The following RILPL1 variants were observed in gnomAD, a reference collection of about 807,000 sequenced individuals.
The protein encoded by RILPL1 is Rab interacting lysosomal protein like 1.
RILPL1 carries 33 observed loss-of-function variants against 50.3 expected under a neutral mutation model. The observed-to-expected ratio is 0.66, with a 90% confidence interval of 0.50 to 0.88. RILPL1 has a LOEUF of 0.88. Ranked by LOEUF, RILPL1 falls within the 40% of genes least tolerant of loss-of-function variation. The probability of loss-of-function intolerance (pLI) is 0.00; values close to 1 mark genes in which losing one functional copy is unlikely to be tolerated. For missense variants in RILPL1, 418 were observed against 542.5 expected (o/e 0.77, Z 2.28); for synonymous variants, 205 against 228.6 (o/e 0.90, Z 0.93).
intron 1 of RILPL1, among the ~76,000 whole-genome samples, chr12:123,523,929 T>G (rs530980607): frequency 6.6e-6 from 1 of 152,358 alleles, no homozygotes; most frequent in East Asian, 1.9e-4. Flanking sequence ...TGGAGCTCTC[T>G]TCAGAGTAGA....
At chr12:123,523,747 C>T (rs1034142075) in intron 1 of RILPL1, 102 bp from the exon 2 acceptor site, 76 of 1,360,974 alleles carry the variant, frequency 5.6e-5, no homozygotes, top group Non-Finnish European at 6.8e-5. Flanking sequence ...GACTTTGGGC[C>T]ATCCCCTTCC....
At chr12:123,503,881 A>G (rs1032575792) in intron 2 of RILPL1, among the ~76,000 whole-genome samples, 12 of 151,806 alleles carry the variant, frequency 7.9e-5, no homozygotes, top group Non-Finnish European at 1.3e-4. Context: ...CACGCCTGTA[A>G]TCCCAGCTAC....
intron 4 of RILPL1, among the ~76,000 whole-genome samples, chr12:123,495,767 G>T (rs903817827): frequency 1.5e-5 from 2 of 133,814 alleles, no homozygotes; most frequent in Admixed American, 1.7e-4. Flanking sequence ...GGCAACCTCC[G>T]CCTCCTGGGT....
chr12:123,518,390 C>T, intron 2 of RILPL1: 1 of 402,418 alleles, frequency 2.5e-6, no homozygotes, highest in Non-Finnish European at 5.0e-6. Flanking sequence ...ACCTGTCATC[C>T]CAGCTACTTA....
At chr12:123,492,133 T>A (rs937945970) in intron 4 of RILPL1, among the ~76,000 whole-genome samples, 1 of 151,458 alleles carries the variant, frequency 6.6e-6, no homozygotes, top group African/African-American at 2.4e-5. Context: ...AATTAGCCTA[T>A]CATGGTGGCT....
rs550750125 is a variant in RILPL1 at position 123,472,383 on chromosome 12, A to G, written c.*155T>C. ...TTTAGAGTTTGGCGTCAGTTTTTCA[A>G]TGTCCATCCTCAAATCAGACAGTCT... On this transcript the variant is annotated 3_prime_UTR_variant, in exon 7 of 7. Transcript: ENST00000376874. 2.7e-6 allele frequency: 2 copies of G among 740,826 alleles called. No individual in the cohort carries two copies. The highest frequency in any genetic ancestry group is 4.1e-5 in the South Asian group (2 of 48,434). 45.9% of individuals were successfully genotyped at this position (740,826 alleles called of 1,614,324 possible). A position where few individuals can be genotyped will look rare whatever the true frequency, so the allele number is the denominator to read the frequency against.
intron 4 of RILPL1, among the ~76,000 whole-genome samples, chr12:123,487,295 A>G (rs1414012668): frequency 6.7e-6 from 1 of 148,664 alleles, no homozygotes; most frequent in African/African-American, 2.5e-5. Context: ...TGCAGCACAC[A>G]CCAGCACTTC....
In RILPL1 at chr12:123,491,144, G is replaced by A. The variant is rs930937631; in HGVS notation, c.802-5339C>T. Among the ~76,000 whole-genome samples the A allele has an allele frequency of 1.3e-5, 2 of 152,328 alleles. No individual in the cohort carries two copies. The highest frequency in any genetic ancestry group is 2.1e-4 in the South Asian group (1 of 4,826). On this transcript the variant is annotated intron_variant, in intron 4 of 6. Transcript: ENST00000376874. The surrounding 1 kb of genome is among the most constrained non-coding windows in gnomAD (Gnocchi z 4.0). ...CACCAGGCAGTGACCGCAGGGCCAC[G>A]GGCAGCCCAGGACTATCCGGTTCAG...
Position 123,485,507 on chromosome 12 carries a change from G to A in RILPL1, c.974+126C>T. ...TTGTATGTAAGTTCTTTAGGCCAGA[G>A]AGGGTACCCAAAAAAAACACTGATG... is the stretch of plus-strand genomic sequence containing the variant. On this transcript the variant is annotated intron_variant, in intron 5 of 6. Coordinates refer to ENST00000376874, the MANE Select transcript of RILPL1 (RefSeq NM_178314.5). The surrounding 1 kb of genome is among the most constrained non-coding windows in gnomAD (Gnocchi z 4.0). The A allele has an allele frequency of 2.3e-6, 2 of 881,722 alleles. No homozygotes were observed. Among genetic ancestry groups the A allele is most frequent in the Non-Finnish European group, 3.5e-6 (2 of 572,710 alleles). 54.6% of individuals were successfully genotyped at this position (881,722 alleles called of 1,614,324 possible). A position where few individuals can be genotyped will look rare whatever the true frequency, so the allele number is the denominator to read the frequency against.
At position 123,496,650 on chromosome 12, in the gene RILPL1, G is replaced by A. The variant is rs541614231; in HGVS notation, c.801+1894C>T. 3.9e-5 allele frequency among the ~76,000 whole-genome samples: 6 copies of A among 152,248 alleles called. No individual in the cohort carries two copies. In the South Asian group the frequency reaches 1.2e-3, roughly 32 times the overall value. Reference sequence around the variant, plus strand: ...TCAAAGTCTCAGCATTGTTAACACTGACGCCCGGCTTCAGGAACAGCTCTT... The same window carrying A: ...TCAAAGTCTCAGCATTGTTAACACTAACGCCCGGCTTCAGGAACAGCTCTT... On this transcript the variant is annotated intron_variant, in intron 4 of 6. Transcript: ENST00000376874.
At chr12:123,510,381 T>C (rs1219252673) in intron 2 of RILPL1, among the ~76,000 whole-genome samples, 4 of 151,680 alleles carry the variant, frequency 2.6e-5, no homozygotes, top group Non-Finnish European at 5.9e-5. Context: ...TGTGTGTGTG[T>C]GTGGTGTGTG....
At chr12:123,479,394 G>A (rs1881811177) in intron 6 of RILPL1, among the ~76,000 whole-genome samples, 1 of 152,176 alleles carries the variant, frequency 6.6e-6, no homozygotes, top group African/African-American at 2.4e-5. Flanking sequence ...GCCGCCCTGA[G>A]CAGACCGCAT....
chr12:123,483,721 C>G (rs1023856525), intron 6 of RILPL1, among the ~76,000 whole-genome samples: 2 of 152,128 alleles, frequency 1.3e-5, no homozygotes, highest in African/African-American at 4.8e-5. Context: ...TATGCAGTAA[C>G]CCCTGCTTAA....
chr12:123,526,752 G>A (rs1885275173), intron 1 of RILPL1, among the ~76,000 whole-genome samples: 1 of 152,198 alleles, frequency 6.6e-6, no homozygotes, highest in African/African-American at 2.4e-5. Flanking sequence ...AGGTCACCAG[G>A]GGAGGTGAAG....
intron 4 of RILPL1, among the ~76,000 whole-genome samples, chr12:123,494,488 G>A (rs998560960): frequency 7.2e-5 from 11 of 152,198 alleles, no homozygotes; most frequent in Non-Finnish European, 1.5e-4. Flanking sequence ...CCAAGGTGGT[G>A]TGAAATGTCC....
chr12:123,513,439 C>T, intron 2 of RILPL1: 1 of 278,376 alleles, frequency 3.6e-6, no homozygotes, highest in Non-Finnish European at 7.8e-6. Flanking sequence ...GCGGCTGGGT[C>T]TATGTGGAAG....
At chr12:123,483,994 A>AC (rs1280342970) in intron 6 of RILPL1, among the ~76,000 whole-genome samples, 186 bp downstream of exon 6, 1 of 151,638 alleles carries the variant, frequency 6.6e-6, no homozygotes, top group African/African-American at 2.4e-5. Flanking sequence ...CTGCCCAGAG[A>AC]CCCCCAGGAG....
Position 123,533,464 on chromosome 12 carries a change from A to AC in RILPL1, c.18dup (p.Ser7ValfsTer37). 6.6e-7 allele frequency: 1 copy of AC among 1,517,976 alleles called. No homozygotes were observed. The highest frequency in any genetic ancestry group is 8.8e-7 in the Non-Finnish European group (1 of 1,130,606). The allele number at this position is 1,517,976 out of a possible 1,614,324, so 94.0% of individuals were successfully genotyped here. ...AGCGCCGACTCGGCCGCCAGCGCCG[A>AC]CCCCCGCTCCTCCTCCATGGCCACC... On this transcript the variant is annotated frameshift_variant, in exon 1 of 7. Coordinates refer to ENST00000376874, the MANE Select transcript of RILPL1 (RefSeq NM_178314.5). LOFTEE classifies it high-confidence loss of function. This position sits in a 1 kb window ranked among gnomAD's most constrained non-coding sequence, Gnocchi z 6.2.
intron 6 of RILPL1, among the ~76,000 whole-genome samples, chr12:123,479,430 G>A (rs977413736): frequency 1.3e-5 from 2 of 152,106 alleles, no homozygotes; most frequent in African/African-American, 2.4e-5. Flanking sequence ...GAGGAAGGAC[G>A]GAAGAGACCC....
Sources: gnomAD v4.1 joint callset for allele counts (sites outside exome capture counted in the v4.1 genomes callset) on GRCh38, gnomAD v4.1.1 for gene constraint, Gnocchi (gnomAD v3.1) non-coding constraint, MANE v1.5 for transcripts, NCBI Gene and HGNC (gene_info 2026-07-23, HGNC 2026-07-21) for gene names.